Variants in CACNA2D4 observed in about 807,000 individuals in gnomAD.
The protein encoded by CACNA2D4 is calcium voltage-gated channel auxiliary subunit alpha2delta 4, also known as voltage-dependent calcium channel subunit alpha-2/delta-4.
CACNA2D4 carries 157 observed loss-of-function variants against 163.8 expected under a neutral mutation model. That is an observed-to-expected ratio of 0.96 (90% CI 0.84 to 1.09). The LOEUF is 1.09. Among genes scored for constraint, CACNA2D4 ranks in the 50% least tolerant of loss-of-function variants. CACNA2D4 has a pLI of 0.00. For missense variants in CACNA2D4, 1,410 were observed against 1,479.9 expected (o/e 0.95, Z 0.78); for synonymous variants, 598 against 586.9 (o/e 1.02, Z -0.27).
At chr12:1,868,861 C>T (rs73032415) in intron 18 of CACNA2D4, among the ~76,000 whole-genome samples, 14,904 of 152,048 alleles carry the variant, frequency 0.098, 855 homozygotes, top group African/African-American at 0.13. Flanking sequence ...GTCATTATCC[C>T]TTAAACAATA....
At chr12:1,906,530 G>A (rs186451798) in intron 6 of CACNA2D4, among the ~76,000 whole-genome samples, 12 of 152,152 alleles carry the variant, frequency 7.9e-5, no homozygotes, top group Admixed American at 7.9e-4. Context: ...TGACTGATGC[G>A]TTCACATCTG....
At chr12:1,858,137 C>A (rs757985118) in intron 20 of CACNA2D4, among the ~76,000 whole-genome samples, 1 of 152,192 alleles carries the variant, frequency 6.6e-6, no homozygotes. Context: ...TACATGTCTG[C>A]GGTTTTAGGA....
chr12:1,830,450 C>G (rs1045306920), intron 26 of CACNA2D4, among the ~76,000 whole-genome samples: 1 of 152,252 alleles, frequency 6.6e-6, no homozygotes, highest in Admixed American at 6.5e-5. Flanking sequence ...AGCCAGCAGC[C>G]TGGCCATTTT....
At chr12:1,864,643 C>T (rs1055109564) in intron 18 of CACNA2D4, among the ~76,000 whole-genome samples, 1 of 152,220 alleles carries the variant, frequency 6.6e-6, no homozygotes, top group Non-Finnish European at 1.5e-5. Flanking sequence ...CCCACCAGGG[C>T]GCCGCCGACG....
In CACNA2D4 at chr12:1,834,635, C is replaced by T; in HGVS notation, c.2551+6104G>A. 6.2e-7 allele frequency: 1 copy of T among 1,600,498 alleles called. No individual in the cohort carries two copies. The highest frequency in any genetic ancestry group is 8.5e-7 in the Non-Finnish European group (1 of 1,179,874). The stretch of plus-strand genomic sequence containing the variant: ...CTACGCCTCCCTCATGGCCAAGTAC[C>T]ACCGGGAGCTCAAAAAGCGCCAGCC... On this transcript the variant is annotated intron_variant, in intron 26 of 37. Coordinates refer to ENST00000382722, the MANE Select transcript of CACNA2D4 (RefSeq NM_172364.5). The surrounding 1 kb of genome is among the most constrained non-coding windows in gnomAD (Gnocchi z 7.6).
intron 26 of CACNA2D4, among the ~76,000 whole-genome samples, chr12:1,837,790 C>T (rs1315468122): frequency 6.6e-6 from 1 of 152,150 alleles, no homozygotes; most frequent in Non-Finnish European, 1.5e-5. Context: ...ACAAGTCTTC[C>T]CGAGCCCCAC....
chr12:1,910,372 C>A (rs80228136), intron 3 of CACNA2D4, among the ~76,000 whole-genome samples: 1 of 152,130 alleles, frequency 6.6e-6, no homozygotes, highest in Non-Finnish European at 1.5e-5. Flanking sequence ...ACAGAATGTA[C>A]GAGAATGAAC....
intron 20 of CACNA2D4, among the ~76,000 whole-genome samples, chr12:1,858,333 C>T (rs1865444131): frequency 6.6e-6 from 1 of 152,182 alleles, no homozygotes; most frequent in African/African-American, 2.4e-5. Context: ...CGGAAACTAG[C>T]AGTGCGGTTG....
In CACNA2D4 at chr12:1,860,135, T is replaced by G. The variant is rs1467198397; in HGVS notation, c.1940+10A>C. On this transcript the variant is annotated intron_variant, in intron 19 of 37. Transcript: ENST00000382722. Reference sequence around the variant, plus strand: ...CCTCACCCCGTGCAAATAAAGCCTGTGTCCCTCACCTGAAAGGGGTGTCGC... The same window carrying G: ...CCTCACCCCGTGCAAATAAAGCCTGGGTCCCTCACCTGAAAGGGGTGTCGC... 4 of 1,609,622 alleles carry G rather than the reference T, an allele frequency of 2.5e-6. No individual in the cohort carries two copies. Among genetic ancestry groups the G allele is most frequent in the African/African-American group, 1.3e-5 (1 of 74,850 alleles).
chr12:1,887,211 C>T (rs149036752), intron 6 of CACNA2D4, 142 bp from the exon 7 acceptor site: 453 of 639,050 alleles, frequency 7.1e-4, no homozygotes, highest in African/African-American at 6.8e-3. Flanking sequence ...AACACTGGGA[C>T]ATGCCCTGTA....
At chr12:1,849,716 C>T (rs1047505784) in intron 23 of CACNA2D4, among the ~76,000 whole-genome samples, 3 of 152,140 alleles carry the variant, frequency 2.0e-5, no homozygotes, top group African/African-American at 7.2e-5. Context: ...ACTTTTGGTT[C>T]CTTGTTCCAC....
At position 1,892,708 on chromosome 12, in the gene CACNA2D4, TA is replaced by T. The variant is rs372754012; in HGVS notation, c.782-5640del. 9.0e-3 allele frequency among the ~76,000 whole-genome samples: 1,360 copies of T among 150,978 alleles called. 14 individuals carry two copies. Among genetic ancestry groups the T allele is most frequent in the African/African-American group, 0.031 (1,287 of 41,206 alleles). On this transcript the variant is annotated intron_variant, in intron 6 of 37. Transcript: ENST00000382722. ...AAAGGTATAGATTAGCTGAATGGTT[TA>T]AAAAAAAAGGGACCAACTATATGCT...
At chr12:1,822,305 A>G (rs982264655) in intron 26 of CACNA2D4, among the ~76,000 whole-genome samples, 10 of 151,536 alleles carry the variant, frequency 6.6e-5, no homozygotes, top group Non-Finnish European at 1.3e-4. Flanking sequence ...AGGAAGGAGG[A>G]GGGGATGGCA....
chr12:1,834,304 G>A lies in CACNA2D4; in HGVS notation c.2551+6435C>T. The stretch of plus-strand genomic sequence containing the variant: ...ACCAGCTTGCCTGCACCCTGCCCAA[G>A]GAGCTGAGGGGGAAGGACATGCGGA... On this transcript the variant is annotated intron_variant, in intron 26 of 37. Coordinates refer to ENST00000382722, the MANE Select transcript of CACNA2D4 (RefSeq NM_172364.5). This position sits in a 1 kb window ranked among gnomAD's most constrained non-coding sequence, Gnocchi z 7.6. The A allele has an allele frequency of 6.2e-7, 1 of 1,603,436 alleles. No individual in the cohort carries two copies. The highest frequency in any genetic ancestry group is 2.2e-5 in the East Asian group (1 of 44,686).
intron 26 of CACNA2D4, among the ~76,000 whole-genome samples, chr12:1,839,984 C>T (rs950901510): frequency 2.6e-5 from 4 of 152,214 alleles, no homozygotes; most frequent in Non-Finnish European, 4.4e-5. Flanking sequence ...GTAATACCTA[C>T]ACTCTAAAAT....
intron 18 of CACNA2D4, among the ~76,000 whole-genome samples, chr12:1,868,930 T>A (rs1865713031): frequency 6.6e-6 from 1 of 152,182 alleles, no homozygotes; most frequent in East Asian, 1.9e-4. Context: ...AATCTGGAGA[T>A]GATTTAACGT....
chr12:1,909,987 G>C (rs775451195), intron 3 of CACNA2D4, 22 bp from the exon 4 acceptor site: 3 of 1,610,876 alleles, frequency 1.9e-6, no homozygotes, highest in East Asian at 4.5e-5. Context: ...GAACACAGAG[G>C]TAGGGAGAAT....
intron 29 of CACNA2D4, among the ~76,000 whole-genome samples, chr12:1,807,878 G>C (rs1407555881): frequency 6.6e-6 from 1 of 152,124 alleles, no homozygotes; most frequent in Non-Finnish European, 1.5e-5. Context: ...AGGTCAGTTC[G>C]TTTCTGCCCT....
Position 1,821,876 on chromosome 12 carries a change from C to T in CACNA2D4, c.2552-10153G>A, listed in dbSNP as rs145867287. 5.0e-3 allele frequency among the ~76,000 whole-genome samples: 759 copies of T among 152,106 alleles called. 7 individuals are homozygous for T. The highest frequency in any genetic ancestry group is 0.017 in the African/African-American group (701 of 41,494). ...CACATTTCTGGGGGGTGTTGGCACC[C>T]GGCTGTCAGGGCTACTTGGGCAGTG... On this transcript the variant is annotated intron_variant, in intron 26 of 37. Coordinates refer to ENST00000382722, the MANE Select transcript of CACNA2D4 (RefSeq NM_172364.5).
Sources: allele counts gnomAD v4.1 joint callset (sites outside exome capture counted in the v4.1 genomes callset), GRCh38; gene constraint gnomAD v4.1.1; non-coding constraint Gnocchi (gnomAD v3.1); transcripts MANE v1.5; gene names NCBI Gene and HGNC (gene_info 2026-07-23, HGNC 2026-07-21).